Variants in EPS8L1 observed in about 807,000 individuals in gnomAD.
EPS8L1 encodes the protein EPS8 signaling adaptor L1.
EPS8L1 carries 101 observed loss-of-function variants against 91.7 expected under a neutral mutation model. That is an observed-to-expected ratio of 1.10 (90% CI 0.94 to 1.30). The LOEUF is 1.30. EPS8L1 is among the 50% of genes most tolerant of loss of function. The pLI, the probability that EPS8L1 is intolerant of heterozygous loss-of-function variation, is 0.00. For missense variants in EPS8L1, 1,114 were observed against 1,017.0 expected (o/e 1.10, Z -1.30); for synonymous variants, 506 against 445.3 (o/e 1.14, Z -1.72).
intron 1 of EPS8L1, among the ~76,000 whole-genome samples, chr19:55,076,165 AGTGGACTG>A (rs2076126530): frequency 2.3e-5 from 1 of 42,784 alleles, no homozygotes. Flanking sequence ...CTGAGGGAGG[AGTGGACTG>A]GGGTCTGGAC....
intron 4 of EPS8L1, 26 bp from the exon 5 acceptor site, chr19:55,079,664 A>T (rs753616279): frequency 6.2e-7 from 1 of 1,605,534 alleles, no homozygotes; most frequent in Non-Finnish European, 8.5e-7. Flanking sequence ...CTTGGGCCTC[A>T]CTGCTTTCTC....
intron 6 of EPS8L1, 82 bp from the exon 7 acceptor site, chr19:55,080,690 G>C (rs773033395): frequency 2.5e-5 from 39 of 1,574,622 alleles, no homozygotes; most frequent in Non-Finnish European, 3.4e-5. Flanking sequence ...CTGGGACTGA[G>C]CTGAAAAATC....
intron 2 of EPS8L1, 84 bp downstream of exon 2, chr19:55,076,545 C>T: frequency 1.3e-6 from 2 of 1,502,054 alleles, no homozygotes; most frequent in Middle Eastern, 1.9e-4. Context: ...CTTGCGGCAG[C>T]CCAGACTGTT....
At chr19:55,077,041 G>A (rs1459021788) in intron 2 of EPS8L1, among the ~76,000 whole-genome samples, 1 of 152,176 alleles carries the variant, frequency 6.6e-6, no homozygotes, top group South Asian at 2.1e-4. Context: ...ACTGGCAGGA[G>A]CAGGATGAGG....
Position 55,080,290 on chromosome 19 carries a change from G to C in EPS8L1, c.429+12G>C. The C allele has an allele frequency of 1.3e-6, 2 of 1,535,334 alleles. No homozygotes were observed. Among genetic ancestry groups the C allele is most frequent in the Non-Finnish European group, 1.8e-6 (2 of 1,138,760 alleles). ...GCCTGCGCCTCGGGGTGAGCAGATG[G>C]GCTGGCTCTGGGGGTGGAGCTGGAA... On this transcript the variant is annotated intron_variant, in intron 6 of 19. Transcript: ENST00000201647.
chr19:55,076,556 T>G (rs1290515754), intron 2 of EPS8L1, 95 bp downstream of exon 2: 1 of 1,430,578 alleles, frequency 7.0e-7, no homozygotes, highest in Non-Finnish European at 9.6e-7. Context: ...CCAGACTGTT[T>G]GCGGCGGCCC....
chr19:55,080,890 C>T lies in EPS8L1; in HGVS notation c.512+36C>T, dbSNP rs760606079. 9.7e-5 allele frequency: 150 copies of T among 1,554,360 alleles called. No individual in the cohort carries two copies. The Admixed American group carries it at 1.2e-3, about 13-fold the overall frequency. Reference sequence around the variant, plus strand: ...AGAAGTTGGCAGGGTCTCTGGGAAGCCGGTTTCCCCTCCTTGTGCCTCAGT... The same window carrying T: ...AGAAGTTGGCAGGGTCTCTGGGAAGTCGGTTTCCCCTCCTTGTGCCTCAGT... On this transcript the variant is annotated intron_variant, in intron 7 of 19. Transcript: ENST00000201647.
chr19:55,082,430 C>A (rs1203534880), intron 11 of EPS8L1, 24 bp from the exon 12 acceptor site: 1 of 1,611,204 alleles, frequency 6.2e-7, no homozygotes, highest in East Asian at 2.2e-5. Flanking sequence ...GCGGCACAGC[C>A]TGCCCCTCCT....
At chr19:55,080,349 T>A in intron 6 of EPS8L1, 71 bp downstream of exon 6, 3 of 1,504,686 alleles carry the variant, frequency 2.0e-6, no homozygotes, top group Non-Finnish European at 2.7e-6. Flanking sequence ...CGGAAATGGG[T>A]GGGGCCTCTA....
chr19:55,086,606 C>T, intron 17 of EPS8L1, 88 bp downstream of exon 17: 7 of 1,531,510 alleles, frequency 4.6e-6, no homozygotes, highest in Non-Finnish European at 6.2e-6. Context: ...AGCAAAGGGA[C>T]TCCCGTCCCA....
Position 55,081,475 on chromosome 19 carries a change from C to A in EPS8L1, c.757C>A (p.Gln253Lys). 1 of 1,588,660 alleles carries A rather than the reference C, an allele frequency of 6.3e-7. No individual in the cohort carries two copies. The highest frequency in any genetic ancestry group is 8.6e-7 in the Non-Finnish European group (1 of 1,168,422). The change falls in exon 8 of 20, where the codon CAG (glutamine) becomes AAG (lysine). Residue 253 changes from glutamine (Q) to lysine (K), a missense_variant. By Grantham distance (53) the Gln-to-Lys change is moderately conservative (BLOSUM62 1). Transcript: ENST00000201647. The surrounding 1 kb of genome is among the most constrained non-coding windows in gnomAD (Gnocchi z 4.9). Reference sequence around the variant, plus strand: ...CCGGGGTCCTGACCTGGCGGTTCTGCAGGCGGAGCGGGAAGTGGTGAGCCG... The same window carrying A: ...CCGGGGTCCTGACCTGGCGGTTCTGAAGGCGGAGCGGGAAGTGGTGAGCCG... ...GPRGPDLAVL[Q>K]AEREVDILNH...
In EPS8L1 at chr19:55,086,156, C is replaced by T. The variant is rs774843540; in HGVS notation, c.1614C>T (p.Pro538=). Residue 538 remains proline (P), a synonymous_variant, in exon 16 of 20, where the codon CCC becomes CCT. Coordinates refer to ENST00000201647, the MANE Select transcript of EPS8L1 (RefSeq NM_133180.3). ...PYNILTPYPG[P]RLHHSQSPAR... ...ACATCCTGACACCCTACCCCGGACCCCGGCTGCACCACAGCCAAAGCCCTG... is the reference window on the plus strand; with the variant it reads ...ACATCCTGACACCCTACCCCGGACCTCGGCTGCACCACAGCCAAAGCCCTG... 3 of 1,604,730 alleles carry T rather than the reference C, an allele frequency of 1.9e-6. No homozygotes were observed. The East Asian group carries it at 6.7e-5, about 36-fold the overall frequency.
chr19:55,086,931 G>A (rs2076359176), intron 18 of EPS8L1, 43 bp downstream of exon 18: 5 of 1,404,346 alleles, frequency 3.6e-6, no homozygotes, highest in African/African-American at 1.5e-5. Flanking sequence ...TGATACGGAC[G>A]CTGGGAGCGG....
intron 1 of EPS8L1, 188 bp from the exon 2 acceptor site, chr19:55,076,220 C>A: frequency 2.0e-6 from 1 of 507,870 alleles, no homozygotes; most frequent in Non-Finnish European, 3.5e-6. Flanking sequence ...GGGGTCTGGA[C>A]TCCTGGGTCT....
chr19:55,081,788 G>T lies in EPS8L1; in HGVS notation c.790G>T (p.Val264Leu). The T allele has an allele frequency of 1.2e-6, 2 of 1,610,988 alleles. No individual in the cohort carries two copies. The highest frequency in any genetic ancestry group is 1.1e-5 in the South Asian group (1 of 91,000). ...TGTCCCCTAGGACATCCTGAACCAC[G>T]TGTTCGACGACGTAGAGAGCTTTGT... ...AEREVDILNH[V>L]FDDVESFVSR... is the part of the protein sequence containing the mutation. Residue 264 changes from valine (V) to leucine (L), a missense_variant, in exon 9 of 20, where the codon GTG becomes TTG. Transcript: ENST00000201647. The surrounding 1 kb of genome is among the most constrained non-coding windows in gnomAD (Gnocchi z 4.9).
intron 2 of EPS8L1, 105 bp from the exon 3 acceptor site, chr19:55,077,983 C>T (rs576937679): frequency 2.2e-4 from 148 of 658,296 alleles, no homozygotes; most frequent in East Asian, 1.6e-3. Context: ...ACCCTTCCAT[C>T]GCTCCCCATT....
At position 55,079,752 on chromosome 19, in the gene EPS8L1, G is replaced by T. The variant is rs781515334; in HGVS notation, c.180G>T (p.Arg60Ser). 20 of 1,614,078 alleles carry T rather than the reference G, an allele frequency of 1.2e-5. No homozygotes were observed. The highest frequency in any genetic ancestry group is 1.6e-5 in the Non-Finnish European group (19 of 1,180,034). The change falls in exon 5 of 20, where the codon AGG (arginine) becomes AGT (serine). Residue 60 changes from arginine (R) to serine (S), a missense_variant. By Grantham distance (110) the Arg-to-Ser change is moderately radical. Transcript: ENST00000201647. ...TGCATACCGTGGAGGATGCCTCCAG[G>T]AAGTTGGCCGTCATGGATAGCCAGG... The part of the protein sequence containing the change: ...DGVHTVEDAS[R>S]KLAVMDSQGR...
intron 4 of EPS8L1, 149 bp downstream of exon 4, chr19:55,079,206 C>A: frequency 1.3e-6 from 1 of 779,674 alleles, no homozygotes; most frequent in Non-Finnish European, 2.2e-6. Context: ...CGTTGCCTCA[C>A]CTCAGTCATG....
At position 55,079,073 on chromosome 19, in the gene EPS8L1, G is replaced by C; in HGVS notation, c.117+16G>C. 2 of 1,613,806 alleles carry C rather than the reference G, an allele frequency of 1.2e-6. No individual in the cohort carries two copies. The highest frequency in any genetic ancestry group is 1.7e-6 in the Non-Finnish European group (2 of 1,179,730). On this transcript the variant is annotated intron_variant, in intron 4 of 19. Coordinates refer to ENST00000201647, the MANE Select transcript of EPS8L1 (RefSeq NM_133180.3). ...CCCAGTCAATGTGAGTCTGGGGTCT[G>C]TGTTCCCCCAGGACATCTTCTGGGG...
Sources: gnomAD v4.1 joint callset for allele counts (sites outside exome capture counted in the v4.1 genomes callset) on GRCh38, gnomAD v4.1.1 for gene constraint, Gnocchi (gnomAD v3.1) non-coding constraint, MANE v1.5 for transcripts, NCBI Gene and HGNC (gene_info 2026-07-23, HGNC 2026-07-21) for gene names.